TMCO5A: variants seen among roughly 807,000 people sequenced by gnomAD.
The protein encoded by TMCO5A is transmembrane and coiled-coil domains 5A, also known as transmembrane and coiled-coil domain-containing protein 5A.
In TMCO5A, 34 loss-of-function variants were observed where a neutral mutation model predicts 42.3. That is an observed-to-expected ratio of 0.80 (90% CI 0.61 to 1.07). TMCO5A has a LOEUF of 1.07. Among genes scored for constraint, TMCO5A ranks in the 50% least tolerant of loss-of-function variants. The probability of loss-of-function intolerance (pLI) is 0.00; values close to 1 mark genes in which losing one functional copy is unlikely to be tolerated. For missense variants in TMCO5A, 357 were observed against 327.9 expected (o/e 1.09, Z -0.69); for synonymous variants, 131 against 115.6 (o/e 1.13, Z -0.86).
At chr15:37,993,801 C>A in the TMCO5A span, among the ~76,000 whole-genome samples, 1 of 152,158 alleles carries the variant, frequency 6.6e-6, no homozygotes, top group Non-Finnish European at 1.5e-5. Context: ...GCTTACCCGG[C>A]TCCCACAATG....
At chr15:38,021,421 C>G in the TMCO5A span, among the ~76,000 whole-genome samples, 2 of 151,944 alleles carry the variant, frequency 1.3e-5, no homozygotes, top group African/African-American at 4.8e-5. Flanking sequence ...TGTGGCTCCA[C>G]TATTCCCTGG....
chr15:38,007,053 T>C, the TMCO5A span, among the ~76,000 whole-genome samples: 2 of 152,166 alleles, frequency 1.3e-5, no homozygotes, highest in African/African-American at 4.8e-5. Flanking sequence ...TTTTCATATG[T>C]CATGAAATAT....
chr15:37,999,090 G>C, the TMCO5A span, among the ~76,000 whole-genome samples: 2 of 152,118 alleles, frequency 1.3e-5, no homozygotes, highest in African/African-American at 2.4e-5. Flanking sequence ...ATTTTTAGTA[G>C]AGATGGAGTT....
chr15:38,001,419 A>G, the TMCO5A span, among the ~76,000 whole-genome samples: 1 of 149,898 alleles, frequency 6.7e-6, no homozygotes, highest in South Asian at 2.1e-4. Flanking sequence ...TTTATAGGCA[A>G]TAGATCATTG....
chr15:37,993,760 A>G, the TMCO5A span, among the ~76,000 whole-genome samples: 1 of 152,146 alleles, frequency 6.6e-6, no homozygotes, highest in African/African-American at 2.4e-5. Context: ...CAGATCATAG[A>G]TCCCCAATTT....
chr15:38,024,085 C>T, the TMCO5A span, among the ~76,000 whole-genome samples: 1 of 152,318 alleles, frequency 6.6e-6, no homozygotes, highest in African/African-American at 2.4e-5. Flanking sequence ...TAATGTACAG[C>T]TTTTCTGCTT....
the TMCO5A span, among the ~76,000 whole-genome samples, chr15:37,995,857 AAAC>A: frequency 2.0e-5 from 3 of 149,158 alleles, no homozygotes; most frequent in African/African-American, 7.5e-5. Context: ...AAAAAAAAAC[AAAC>A]AAACAAACAA....
At chr15:37,984,451 G>T in the TMCO5A span, among the ~76,000 whole-genome samples, 1 of 152,118 alleles carries the variant, frequency 6.6e-6, no homozygotes, top group African/African-American at 2.4e-5. Flanking sequence ...TCTAAACAGC[G>T]CTGCAACATG....
the TMCO5A span, among the ~76,000 whole-genome samples, chr15:38,007,903 TTTTTTTTTG>T: frequency 9.6e-6 from 1 of 104,678 alleles, no homozygotes; most frequent in Non-Finnish European, 2.1e-5. Context: ...TTTTTTTTTT[TTTTTTTTTG>T]TGAGACAGAG....
intron 11 of TMCO5A, among the ~76,000 whole-genome samples, chr15:37,950,702 A>T (rs2094714377): frequency 6.6e-6 from 1 of 152,174 alleles, no homozygotes; most frequent in South Asian, 2.1e-4. Flanking sequence ...GTCCACAGAA[A>T]CTTATACCTT....
At chr15:37,965,319 A>T (rs1410973612) in intron 11 of TMCO5A, among the ~76,000 whole-genome samples, 1 of 152,166 alleles carries the variant, frequency 6.6e-6, no homozygotes, top group Non-Finnish European at 1.5e-5. Context: ...AGCACAAGAA[A>T]ACATCAGAGA....
the TMCO5A span, among the ~76,000 whole-genome samples, chr15:38,036,402 C>T: frequency 6.6e-6 from 1 of 151,992 alleles, no homozygotes; most frequent in Non-Finnish European, 1.5e-5. Context: ...GAATTCCACA[C>T]CCAGCCTACA....
chr15:38,016,869 G>C, the TMCO5A span, among the ~76,000 whole-genome samples: 1 of 151,964 alleles, frequency 6.6e-6, no homozygotes, highest in South Asian at 2.1e-4. Context: ...TGTTGTTGCT[G>C]TTGTTGTCAT....
At chr15:38,004,231 A>G in the TMCO5A span, among the ~76,000 whole-genome samples, 1 of 152,112 alleles carries the variant, frequency 6.6e-6, no homozygotes, top group African/African-American at 2.4e-5. Context: ...AAGAGGCCTC[A>G]GGACTCTGCC....
intron 10 of TMCO5A, among the ~76,000 whole-genome samples, chr15:37,945,984 G>A (rs1595594687): frequency 6.6e-6 from 1 of 151,906 alleles, no homozygotes; most frequent in Admixed American, 6.6e-5. Context: ...TTTCTTCTAG[G>A]GTTTTTACTA....
chr15:38,039,586 C>T, the TMCO5A span, among the ~76,000 whole-genome samples: 1 of 152,168 alleles, frequency 6.6e-6, no homozygotes, highest in Non-Finnish European at 1.5e-5. Flanking sequence ...CCTATTTTCT[C>T]ATTCTAGAGT....
At position 37,951,231 on chromosome 15, in the gene TMCO5A, C is replaced by T. The variant is rs370836041; in HGVS notation, c.864C>T (p.His288=). The T allele has an allele frequency of 8.3e-5, 134 of 1,613,286 alleles. No homozygotes were observed. The highest frequency in any genetic ancestry group is 1.5e-4 in the Admixed American group (9 of 59,918). Residue 288 remains histidine (H), a synonymous_variant, in exon 12 of 12, where the codon CAC becomes CAT. Transcript: ENST00000319669. ...TTGAGACAGAGGACATGTTACCCCA[C>T]TGATTCCCTAAGAAATATCCTTGAG... ...LTLETEDMLP[H] is the part of the protein sequence containing the mutation.
At chr15:37,970,506 A>T (rs528039393), downstream of TMCO5A, among the ~76,000 whole-genome samples, 143 of 152,258 alleles carry the variant, frequency 9.4e-4, no homozygotes, top group African/African-American at 3.1e-3. Flanking sequence ...CCCAAATCTT[A>T]TTTCCTCACA....
chr15:37,972,000 C>T (rs867223382), downstream of TMCO5A, among the ~76,000 whole-genome samples: 1 of 152,222 alleles, frequency 6.6e-6, no homozygotes, highest in Non-Finnish European at 1.5e-5. Context: ...GTTGCTTCTA[C>T]ATTTTTGAGT....
Sources: allele counts gnomAD v4.1 joint callset (sites outside exome capture counted in the v4.1 genomes callset), GRCh38; gene constraint gnomAD v4.1.1; transcripts MANE v1.5; gene names NCBI Gene and HGNC (gene_info 2026-07-23, HGNC 2026-07-21).